The following PCGF6 variants were observed in gnomAD, a reference collection of about 807,000 sequenced individuals.
The protein encoded by PCGF6 is polycomb group ring finger 6, also known as polycomb group RING finger protein 6.
In PCGF6, 24 loss-of-function variants were observed where a neutral mutation model predicts 45.5. The observed-to-expected ratio is 0.53, with a 90% CI of 0.38 to 0.74. The LOEUF (loss-of-function observed/expected upper bound fraction) is 0.74. PCGF6 is among the 30% of genes least tolerant of loss of function. The probability of loss-of-function intolerance (pLI) is 0.00; values close to 1 mark genes in which losing one functional copy is unlikely to be tolerated. For synonymous variants in PCGF6, 152 were observed against 162.1 expected (o/e 0.94, Z 0.47); for missense variants, 356 against 443.2 (o/e 0.80, Z 1.77).
At chr10:103,341,924 G>A (rs1194060160) in intron 6 of PCGF6, among the ~76,000 whole-genome samples, 10 of 151,608 alleles carry the variant, frequency 6.6e-5, no homozygotes, top group Non-Finnish European at 1.5e-4. Flanking sequence ...GCTTCCTAGG[G>A]GCACTGCCAT....
chr10:103,306,833 G>C (rs1247656540), intron 9 of PCGF6, among the ~76,000 whole-genome samples: 1 of 152,224 alleles, frequency 6.6e-6, no homozygotes, highest in South Asian at 2.1e-4. Flanking sequence ...GCCAGGTGCA[G>C]GGGCTCATGC....
intron 7 of PCGF6, among the ~76,000 whole-genome samples, chr10:103,332,959 G>A (rs1178897207): frequency 1.3e-5 from 2 of 151,728 alleles, no homozygotes; most frequent in Non-Finnish European, 2.9e-5. Flanking sequence ...TACTAAAAAT[G>A]CAAAATTAGC....
At chr10:103,339,809 AAACACAC>A (rs1231607179) in intron 6 of PCGF6, among the ~76,000 whole-genome samples, 1,686 of 38,682 alleles carry the variant, frequency 0.044, 105 homozygotes, top group East Asian at 0.18. Flanking sequence ...CTCAAAAAAA[AAACACAC>A]ACACACACAC....
rs143579566 is a variant in PCGF6, at chr10:103,339,287, G to A, written c.783-5335C>T. Among the ~76,000 whole-genome samples the A allele has an allele frequency of 1.4e-3, 215 of 152,234 alleles. 1 individual carries two copies. Among genetic ancestry groups the A allele is most frequent in the African/African-American group, 5.0e-3 (209 of 41,558 alleles). ...TGCCTATAGTCCCAGCTGCTCAGGA[G>A]GCTGAGGCGAGAGGATTGCTTGAGT... is the stretch of plus-strand genomic sequence containing the variant. On this transcript the variant is annotated intron_variant, in intron 6 of 9. Coordinates refer to ENST00000369847, the MANE Select transcript of PCGF6 (RefSeq NM_001011663.2).
At chr10:103,345,344 G>A (rs2093295362) in intron 5 of PCGF6, among the ~76,000 whole-genome samples, 1 of 152,176 alleles carries the variant, frequency 6.6e-6, no homozygotes, top group Non-Finnish European at 1.5e-5. Context: ...AGGCAGACAT[G>A]TGGCTGGCTT....
At chr10:103,323,168 T>C (rs1248146954) in intron 8 of PCGF6, among the ~76,000 whole-genome samples, 1 of 152,184 alleles carries the variant, frequency 6.6e-6, no homozygotes, top group Admixed American at 6.6e-5. Context: ...AAATAAGTCA[T>C]TTCTAGTTTT....
intron 1 of PCGF6, among the ~76,000 whole-genome samples, chr10:103,349,877 T>C (rs577939961): frequency 6.6e-6 from 1 of 150,378 alleles, no homozygotes; most frequent in African/African-American, 2.4e-5. Context: ...GGTCAGGAGA[T>C]CGAGACCATC....
chr10:103,339,252 T>C (rs978761011), intron 6 of PCGF6, among the ~76,000 whole-genome samples: 3 of 151,552 alleles, frequency 2.0e-5, no homozygotes, highest in Non-Finnish European at 4.4e-5. Flanking sequence ...TAGCTGGGCA[T>C]GATGGTGTGT....
At chr10:103,320,040 T>A (rs1371199600) in intron 8 of PCGF6, among the ~76,000 whole-genome samples, 2 of 151,992 alleles carry the variant, frequency 1.3e-5, no homozygotes, top group Non-Finnish European at 2.9e-5. Flanking sequence ...TCTCTTGACC[T>A]CGTGATCCGC....
chr10:103,350,856 C>G lies in PCGF6; in HGVS notation c.211G>C (p.Gly71Arg). ...PPELEPERSL[G>R]RFRGRFEDED... ...TCCTCGAAGCGGCCTCTGAAGCGGC[C>G]CAGGCTGCGCTCCGGCTCCAGCTCA... The change falls in exon 1 of 10, where the codon GGC (glycine) becomes CGC (arginine). Residue 71 changes from glycine (G) to arginine (R), a missense_variant. Physicochemically the swap from Gly to Arg is moderately radical, Grantham distance 125 (BLOSUM62 -2). Transcript: ENST00000369847. The G allele has an allele frequency of 6.5e-7, 1 of 1,541,924 alleles. No individual in the cohort carries two copies. The highest frequency in any genetic ancestry group is 8.7e-7 in the Non-Finnish European group (1 of 1,144,130).
At chr10:103,326,042 G>A (rs1475637874) in intron 8 of PCGF6, among the ~76,000 whole-genome samples, 1 of 151,626 alleles carries the variant, frequency 6.6e-6, no homozygotes, top group South Asian at 2.1e-4. Flanking sequence ...AAAAAGAAAT[G>A]GACAGTAAAT....
chr10:103,339,808 AAAACACACACACAC>A (rs59658888), intron 6 of PCGF6, among the ~76,000 whole-genome samples: 5,730 of 77,992 alleles, frequency 0.073, 423 homozygotes, highest in Middle Eastern at 0.11. Flanking sequence ...TCTCAAAAAA[AAAACACACACACAC>A]ACACACACAC....
chr10:103,304,828 A>AT (rs1471014377), intron 9 of PCGF6, among the ~76,000 whole-genome samples: 1 of 151,846 alleles, frequency 6.6e-6, no homozygotes, highest in East Asian at 1.9e-4. Flanking sequence ...TCATTTTTGT[A>AT]TTTTTTGTAG....
chr10:103,333,149 T>C (rs1333383370), intron 7 of PCGF6, among the ~76,000 whole-genome samples: 2 of 151,472 alleles, frequency 1.3e-5, no homozygotes, highest in Non-Finnish European at 2.9e-5. Context: ...TCATGAGGAC[T>C]TAAAACTGCA....
At chr10:103,313,292 GAGGGGCTCACCCCTGT>G (rs2093163787) in intron 9 of PCGF6, among the ~76,000 whole-genome samples, 1 of 152,092 alleles carries the variant, frequency 6.6e-6, no homozygotes, top group African/African-American at 2.4e-5. Flanking sequence ...AGGCTGGGCA[GAGGGGCTCACCCCTGT>G]AATCCCAGCC....
chr10:103,318,619 C>A (rs1275188459), intron 8 of PCGF6, among the ~76,000 whole-genome samples: 2 of 151,802 alleles, frequency 1.3e-5, no homozygotes, highest in African/African-American at 4.8e-5. Context: ...GTGGCGGTCG[C>A]CTGTAATCCC....
In PCGF6 at chr10:103,351,026, G is replaced by C. The variant is rs769721696; in HGVS notation, c.41C>G (p.Ala14Gly). The C allele has an allele frequency of 2.1e-6, 3 of 1,402,740 alleles. No individual in the cohort carries two copies. The highest frequency in any genetic ancestry group is 1.9e-6 in the Non-Finnish European group (2 of 1,078,432). 86.9% of individuals were successfully genotyped at this position (1,402,740 alleles called of 1,614,324 possible). ...GGCTGCAGCTCCCTCGGTTTTGGCA[G>C]CGCCTACGCTGCCCGCCGTCACCAC... The part of the protein sequence containing the change: ...VAVVTAGSVG[A>G]AKTEGAAALP... The change falls in exon 1 of 10, where the codon GCT (alanine) becomes GGT (glycine). Residue 14 changes from alanine (A) to glycine (G), a missense_variant. Physicochemically the swap from Ala to Gly is moderately conservative, Grantham distance 60. This residue lies in a region of PCGF6 where 307 missense variants were observed against 350.1 expected (regional missense o/e 0.88). Transcript: ENST00000369847.
At chr10:103,321,714 A>C (rs2093198238) in intron 8 of PCGF6, among the ~76,000 whole-genome samples, 1 of 151,994 alleles carries the variant, frequency 6.6e-6, no homozygotes, top group Non-Finnish European at 1.5e-5. Flanking sequence ...TCTCAAAAAC[A>C]AAGAAACAAA....
chr10:103,322,920 C>T (rs1382444735), intron 8 of PCGF6, among the ~76,000 whole-genome samples: 1 of 151,508 alleles, frequency 6.6e-6, no homozygotes, highest in African/African-American at 2.4e-5. Context: ...AAAAACAACC[C>T]ACAAAACACA....
Sources: gnomAD v4.1 joint callset for allele counts (sites outside exome capture counted in the v4.1 genomes callset) on GRCh38, gnomAD v4.1.1 for gene constraint, gnomAD v4.1.1 regional missense constraint, MANE v1.5 for transcripts, NCBI Gene and HGNC (gene_info 2026-07-23, HGNC 2026-07-21) for gene names.